Variants in NEU3 observed in about 807,000 individuals in gnomAD.
NEU3 encodes the protein sialidase-3.
NEU3 carries 10 observed loss-of-function variants against 11.4 expected under a neutral mutation model. The observed-to-expected ratio is 0.88, with a 90% CI of 0.54 to 1.49. The LOEUF is 1.49. Among genes scored for constraint, NEU3 ranks in the 40% most tolerant of loss-of-function variants. The probability of loss-of-function intolerance (pLI) is 0.00; values close to 1 mark genes in which losing one functional copy is unlikely to be tolerated. For synonymous variants in NEU3, 212 were observed against 228.2 expected (o/e 0.93, Z 0.64); for missense variants, 529 against 581.8 (o/e 0.91, Z 0.93).
chr11:75,003,627 C>T (rs1368358778), intron 2 of NEU3, among the ~76,000 whole-genome samples: 1 of 152,100 alleles, frequency 6.6e-6, no homozygotes, highest in African/African-American at 2.4e-5. Context: ...CGGTGGCTCA[C>T]GCCTGTAATC....
the NEU3 span, among the ~76,000 whole-genome samples, chr11:74,981,307 G>A: frequency 6.6e-6 from 1 of 152,190 alleles, no homozygotes; most frequent in African/African-American, 2.4e-5. Context: ...ACTGGAGAAA[G>A]AGAAACTTGG....
At chr11:74,994,345 G>A (rs949694726) in intron 1 of NEU3, among the ~76,000 whole-genome samples, 164 bp from the exon 2 acceptor site, 1 of 152,196 alleles carries the variant, frequency 6.6e-6, no homozygotes. Context: ...TATATTGCTT[G>A]CTTTGTGCTA....
rs774126634 is a variant in NEU3, at chr11:75,005,671, T to C, written c.565T>C (p.Trp189Arg). Residue 189 changes from tryptophan to arginine, a missense_variant, in exon 3 of 3, where the codon TGG becomes CGG. Transcript: ENST00000294064. ...GGTCATTGGCTCAGAGCTGAAGCACTGGGCCACATTTGCTGTGGGCCCAGG... is the reference window on the plus strand; with the variant it reads ...GGTCATTGGCTCAGAGCTGAAGCACCGGGCCACATTTGCTGTGGGCCCAGG... ...EEVIGSELKH[W>R]ATFAVGPGHG... 2 of 1,613,912 alleles carry C rather than the reference T, an allele frequency of 1.2e-6. No individual in the cohort carries two copies. The highest frequency in any genetic ancestry group is 4.5e-5 in the East Asian group (2 of 44,882).
rs567131234 is a variant in NEU3, at chr11:75,002,808, G to A, written c.307-2605G>A. 5.3e-5 allele frequency among the ~76,000 whole-genome samples: 8 copies of A among 152,280 alleles called. No homozygotes were observed. The East Asian group carries it at 1.5e-3, about 29-fold the overall frequency. On this transcript the variant is annotated intron_variant, in intron 2 of 2. Coordinates refer to ENST00000294064, the MANE Select transcript of NEU3 (RefSeq NM_006656.6). ...AGTTGATTTATAGCCCTAGAGTTTA[G>A]TTTTGCTTATTTTTAATCTATGTAT...
At chr11:74,981,673 C>T in the NEU3 span, among the ~76,000 whole-genome samples, 1 of 152,280 alleles carries the variant, frequency 6.6e-6, no homozygotes, top group African/African-American at 2.4e-5. Context: ...TCCATGAAAG[C>T]ATCGCAGGCT....
Position 74,989,018 on chromosome 11 carries a change from T to A in NEU3, c.-43T>A. On this transcript the variant is annotated 5_prime_UTR_variant, in exon 1 of 3. Coordinates refer to ENST00000294064, the MANE Select transcript of NEU3 (RefSeq NM_006656.6). ...CCCTCTCTATCCTCCTCTGTCTCAG[T>A]CTCCCCAGCCTTGGGGCCGGTGCCT... 6.9e-7 allele frequency: 1 copy of A among 1,440,174 alleles called. No individual in the cohort carries two copies. The highest frequency in any genetic ancestry group is 2.5e-5 in the East Asian group (1 of 39,958). 89.2% of individuals were successfully genotyped at this position (1,440,174 alleles called of 1,614,324 possible). A position where few individuals can be genotyped will look rare whatever the true frequency, so the allele number is the denominator to read the frequency against.
chr11:75,004,922 CTTT>C (rs969957913), intron 2 of NEU3, among the ~76,000 whole-genome samples: 1 of 148,270 alleles, frequency 6.7e-6, no homozygotes, highest in African/African-American at 2.5e-5. Context: ...CCTTTCCTTT[CTTT>C]TTTTTTTCTT....
intron 2 of NEU3, among the ~76,000 whole-genome samples, chr11:75,004,874 C>G (rs1032828167): frequency 6.6e-6 from 1 of 152,004 alleles, no homozygotes; most frequent in Non-Finnish European, 1.5e-5. Context: ...ATTTGTTTGC[C>G]TTGCTTTTCT....
intron 2 of NEU3, among the ~76,000 whole-genome samples, chr11:74,997,909 G>A (rs1948808031): frequency 2.0e-5 from 3 of 151,976 alleles, no homozygotes; most frequent in Admixed American, 2.0e-4. Flanking sequence ...TTGGCTGTTT[G>A]GCACAAGAGG....
chr11:74,993,423 C>T (rs984445499), intron 1 of NEU3, among the ~76,000 whole-genome samples: 2 of 152,168 alleles, frequency 1.3e-5, no homozygotes, highest in African/African-American at 4.8e-5. Context: ...CCAGGATGGT[C>T]TCGATCTCCT....
downstream of NEU3, chr11:75,018,925 G>C (rs1319392801): frequency 1.3e-5 from 2 of 156,090 alleles, no homozygotes; most frequent in African/African-American, 4.8e-5. Flanking sequence ...GGCTGAGGTG[G>C]TCTCAGATGG....
intron 1 of NEU3, among the ~76,000 whole-genome samples, chr11:74,990,679 G>A (rs1217636078): frequency 6.6e-6 from 1 of 152,082 alleles, no homozygotes; most frequent in East Asian, 1.9e-4. Flanking sequence ...CCTGTTCTGA[G>A]CCCTAACCCG....
chr11:75,016,253 T>G (rs1403402890), intron 3 of NEU3, among the ~76,000 whole-genome samples: 1 of 152,240 alleles, frequency 6.6e-6, no homozygotes, highest in Admixed American at 6.5e-5. Context: ...TGGACTCTCA[T>G]GTTCTGCCTT....
chr11:75,009,735 C>T lies in NEU3; in HGVS notation c.*3243C>T, dbSNP rs1948937508. 6.6e-6 allele frequency: 1 copy of T among 152,266 alleles called. No individual in the cohort carries two copies. Among genetic ancestry groups the T allele is most frequent in the Non-Finnish European group, 1.5e-5 (1 of 68,106 alleles). The allele number at this position is 152,266 out of a possible 1,614,324, so 9.4% of individuals were successfully genotyped here. On this transcript the variant is annotated 3_prime_UTR_variant, in exon 3 of 3. Coordinates refer to ENST00000294064, the MANE Select transcript of NEU3 (RefSeq NM_006656.6). Reference sequence around the variant, plus strand: ...TGCAGGAAGCATGGGTAGGGGCCTCCTGCTGCTGGTATGTACCCAGGCCAG... The same window carrying T: ...TGCAGGAAGCATGGGTAGGGGCCTCTTGCTGCTGGTATGTACCCAGGCCAG...
At chr11:74,994,956 A>G in intron 2 of NEU3, 1 of 645,494 alleles carries the variant, frequency 1.5e-6, no homozygotes, top group Non-Finnish European at 2.8e-6. Context: ...TTTTACAGAC[A>G]AGGAAACTGA....
intron 2 of NEU3, among the ~76,000 whole-genome samples, chr11:74,999,280 G>A (rs898143093): frequency 6.6e-6 from 1 of 152,112 alleles, no homozygotes; most frequent in Admixed American, 6.5e-5. Context: ...CTGAGTAGCC[G>A]CCACTACAGG....
chr11:74,983,984 T>C (rs577617694), upstream of NEU3, among the ~76,000 whole-genome samples: 5 of 152,344 alleles, frequency 3.3e-5, no homozygotes, highest in African/African-American at 1.2e-4. Flanking sequence ...TGATTGGTCT[T>C]ATCCTGTTAC....
chr11:74,980,928 C>G, the NEU3 span, among the ~76,000 whole-genome samples: 1 of 152,220 alleles, frequency 6.6e-6, no homozygotes, highest in South Asian at 2.1e-4. Flanking sequence ...CACAGAGACA[C>G]GTACTTACAT....
At chr11:75,012,040 TCAA>T (rs1465097455), downstream of NEU3, among the ~76,000 whole-genome samples, 2 of 152,138 alleles carry the variant, frequency 1.3e-5, no homozygotes, top group Non-Finnish European at 2.9e-5. Flanking sequence ...GACTGCTTCA[TCAA>T]CATCATGATC....
Sources: gnomAD v4.1 joint callset for allele counts (sites outside exome capture counted in the v4.1 genomes callset) on GRCh38, gnomAD v4.1.1 for gene constraint, MANE v1.5 for transcripts, NCBI Gene and HGNC (gene_info 2026-07-23, HGNC 2026-07-21) for gene names.